NFE2L3: variants seen among roughly 807,000 people sequenced by gnomAD.
NFE2L3 encodes the protein NFE2 like bZIP transcription factor 3.
Under a neutral mutation model 23.5 loss-of-function variants are expected in NFE2L3, and 18 were observed. That is an observed-to-expected ratio of 0.77 (90% CI 0.53 to 1.13). NFE2L3 has a LOEUF of 1.13. Ranked by LOEUF, NFE2L3 falls within the 50% of genes most tolerant of loss-of-function variation. The pLI is 0.00. For synonymous variants in NFE2L3, 424 were observed against 354.5 expected (o/e 1.20, Z -2.20); for missense variants, 1,152 against 877.2 (o/e 1.31, Z -3.96).
intron 2 of NFE2L3, among the ~76,000 whole-genome samples, chr7:26,180,303 C>T (rs1449655630): frequency 6.6e-6 from 1 of 152,138 alleles, no homozygotes; most frequent in Admixed American, 6.5e-5. Flanking sequence ...TCACTCTGAC[C>T]AGTGGAGCTT....
chr7:26,165,296 C>G (rs1169364543), intron 1 of NFE2L3, among the ~76,000 whole-genome samples: 1 of 152,182 alleles, frequency 6.6e-6, no homozygotes, highest in African/African-American at 2.4e-5. Context: ...GAATGTTCTT[C>G]CATTTGTTTG....
At chr7:26,167,498 T>C (rs1042004333) in intron 1 of NFE2L3, among the ~76,000 whole-genome samples, 1 of 151,792 alleles carries the variant, frequency 6.6e-6, no homozygotes, top group Non-Finnish European at 1.5e-5. Flanking sequence ...AAGTTTACGA[T>C]AGCTTCCTGT....
At chr7:26,153,529 C>T (rs1198821869) in intron 1 of NFE2L3, among the ~76,000 whole-genome samples, 1 of 152,192 alleles carries the variant, frequency 6.6e-6, no homozygotes, top group Admixed American at 6.5e-5. Context: ...GCCCTGTTTT[C>T]AGCCCAATTG....
At chr7:26,167,109 C>G (rs958261758) in intron 1 of NFE2L3, among the ~76,000 whole-genome samples, 1 of 152,156 alleles carries the variant, frequency 6.6e-6, no homozygotes, top group Non-Finnish European at 1.5e-5. Context: ...TCCTTTCTTC[C>G]CCTTTCCACT....
chr7:26,183,353 A>G (rs116028970), intron 2 of NFE2L3, among the ~76,000 whole-genome samples: 7,415 of 152,082 alleles, frequency 0.049, 556 homozygotes, highest in East Asian at 0.36. Flanking sequence ...TTCGAGACCA[A>G]CTTGGCCAAC....
At position 26,185,017 on chromosome 7, in the gene NFE2L3, CTGTG is replaced by C; in HGVS notation, c.1324_1327del (p.Cys442MetfsTer5). 2 of 1,613,796 alleles carry C rather than the reference CTGTG, an allele frequency of 1.2e-6. No homozygotes were observed. Among genetic ancestry groups the C allele is most frequent in the South Asian group, 1.1e-5 (1 of 91,048 alleles). ...GTCATCAAGTCTAATTCCTCTCACT[CTGTG>C]TGTGATGAAGGTGCTATAGGTTATT... On this transcript the variant is annotated frameshift_variant, in exon 4 of 4. Coordinates refer to ENST00000056233, the MANE Select transcript of NFE2L3 (RefSeq NM_004289.7). LOFTEE classifies it low-confidence loss of function (END_TRUNC).
Position 26,185,625 on chromosome 7 carries a change from C to T in NFE2L3, c.1927C>T (p.His643Tyr). The T allele has an allele frequency of 6.2e-7, 1 of 1,613,854 alleles. No individual in the cohort carries two copies. The highest frequency in any genetic ancestry group is 1.1e-5 in the South Asian group (1 of 91,068). ...GAAACAGAAACTGCATGACCTTTATCATGATATTTTTAGTAGATTAAGAGA... is the reference window on the plus strand; with the variant it reads ...GAAACAGAAACTGCATGACCTTTATTATGATATTTTTAGTAGATTAAGAGA... Reference protein sequence around the residue: ...IMKQKLHDLYHDIFSRLRDDQ... With the variant: ...IMKQKLHDLYYDIFSRLRDDQ... Residue 643 changes from histidine (H) to tyrosine (Y), a missense_variant, in exon 4 of 4, where the codon CAT becomes TAT. Coordinates refer to ENST00000056233, the MANE Select transcript of NFE2L3 (RefSeq NM_004289.7).
At chr7:26,170,767 C>T (rs1044710284) in intron 1 of NFE2L3, among the ~76,000 whole-genome samples, 1 of 152,186 alleles carries the variant, frequency 6.6e-6, no homozygotes, top group Non-Finnish European at 1.5e-5. Context: ...TAAAAAAGCA[C>T]ATCAGAGAAG....
chr7:26,184,481 G>A (rs1782428361), intron 3 of NFE2L3, 52 bp from the exon 4 acceptor site: 1 of 1,511,388 alleles, frequency 6.6e-7, no homozygotes, highest in African/African-American at 1.4e-5. Flanking sequence ...TAATAGAACT[G>A]CTTCAGAAAT....
intron 2 of NFE2L3, among the ~76,000 whole-genome samples, chr7:26,178,657 A>G (rs1379055407): frequency 1.3e-5 from 2 of 152,140 alleles, no homozygotes; most frequent in African/African-American, 4.8e-5. Context: ...TTTGGCTGTG[A>G]GAAGAGGTGT....
At chr7:26,178,581 T>C (rs1784455382) in intron 2 of NFE2L3, among the ~76,000 whole-genome samples, 1 of 152,216 alleles carries the variant, frequency 6.6e-6, no homozygotes, top group African/African-American at 2.4e-5. Context: ...CAGGCCTGGC[T>C]GAACCGTTGG....
chr7:26,174,877 A>C (rs1784375941), intron 1 of NFE2L3: 1 of 152,234 alleles, frequency 6.6e-6, no homozygotes. Context: ...AGTTGAAACT[A>C]TCTGAATATG....
intron 1 of NFE2L3, among the ~76,000 whole-genome samples, chr7:26,158,700 C>G (rs955025763): frequency 2.0e-5 from 3 of 152,182 alleles, no homozygotes; most frequent in Non-Finnish European, 4.4e-5. Flanking sequence ...TTCCATGACC[C>G]CTACTTCTCA....
At chr7:26,184,474 T>C (rs1782428167) in intron 3 of NFE2L3, 59 bp from the exon 4 acceptor site, 5 of 1,481,180 alleles carry the variant, frequency 3.4e-6, no homozygotes, top group Admixed American at 4.0e-5. Flanking sequence ...TGTTAGGTAA[T>C]AGAACTGCTT....
chr7:26,152,888 C>T lies in NFE2L3; in HGVS notation c.390C>T (p.Ala130=), dbSNP rs1784019837. Residue 130 remains alanine (A), a synonymous_variant, in exon 1 of 4, where the codon GCC becomes GCT. Coordinates refer to ENST00000056233, the MANE Select transcript of NFE2L3 (RefSeq NM_004289.7). The surrounding 1 kb of genome is among the most constrained non-coding windows in gnomAD (Gnocchi z 4.4). ...ACGAGGCCCACGGGCTGCTCGGCGC[C>T]GCCGCCGCCTCGTCCACCGGAGGAG... ...SADEAHGLLG[A]AAASSTGGAG... 2 of 1,454,344 alleles carry T rather than the reference C, an allele frequency of 1.4e-6. No individual in the cohort carries two copies. The highest frequency in any genetic ancestry group is 1.8e-6 in the Non-Finnish European group (2 of 1,113,108). 90.1% of individuals were successfully genotyped at this position (1,454,344 alleles called of 1,614,324 possible).
At chr7:26,153,155 C>G (rs1047830373) in intron 1 of NFE2L3, 87 bp downstream of exon 1, 1 of 1,309,204 alleles carries the variant, frequency 7.6e-7, no homozygotes, top group African/African-American at 1.6e-5. Flanking sequence ...GCAGGGGCCA[C>G]TCTCGCTGTG....
At chr7:26,182,078 T>G (rs1784524101) in intron 2 of NFE2L3, among the ~76,000 whole-genome samples, 1 of 151,996 alleles carries the variant, frequency 6.6e-6, no homozygotes, top group East Asian at 1.9e-4. Flanking sequence ...TCCAGAAAAG[T>G]CCTCAGATTA....
At chr7:26,168,418 G>T (rs1322155719) in intron 1 of NFE2L3, among the ~76,000 whole-genome samples, 1 of 41,568 alleles carries the variant, frequency 2.4e-5, no homozygotes, top group African/African-American at 1.4e-4. Context: ...TTATAGGCGT[G>T]AGCCACTGTA....
Position 26,185,662 on chromosome 7 carries a change from G to GGC in NFE2L3, c.1965_1966dup (p.Pro656ArgfsTer19). 1 of 1,613,908 alleles carries GGC rather than the reference G, an allele frequency of 6.2e-7. No homozygotes were observed. Among genetic ancestry groups the GGC allele is most frequent in the Non-Finnish European group, 8.5e-7 (1 of 1,179,842 alleles). ...AGTAGATTAAGAGATGACCAAGGTA[G>GGC]GCCAGTCAATCCCAACCACTATGCT... On this transcript the variant is annotated frameshift_variant, in exon 4 of 4. Coordinates refer to ENST00000056233, the MANE Select transcript of NFE2L3 (RefSeq NM_004289.7). LOFTEE classifies it high-confidence loss of function.
Sources: allele counts gnomAD v4.1 joint callset (sites outside exome capture counted in the v4.1 genomes callset), GRCh38; gene constraint gnomAD v4.1.1; non-coding constraint Gnocchi (gnomAD v3.1); transcripts MANE v1.5; gene names NCBI Gene and HGNC (gene_info 2026-07-23, HGNC 2026-07-21).